Variants in GNA12 observed in about 807,000 individuals in gnomAD.
GNA12 encodes G protein subunit alpha 12.
Under a neutral mutation model 26.0 loss-of-function variants are expected in GNA12, and 9 were observed. That is an observed-to-expected ratio of 0.35 (90% CI 0.21 to 0.60). GNA12 has a LOEUF of 0.60. GNA12 is among the 20% of genes least tolerant of loss of function. The pLI is 0.78. For missense variants in GNA12, 405 were observed against 525.8 expected (o/e 0.77, Z 2.25); for synonymous variants, 264 against 219.6 (o/e 1.20, Z -1.79).
Position 2,729,915 on chromosome 7 carries a change from A to G in GNA12, c.*1266T>C, listed in dbSNP as rs977863037. The G allele has an allele frequency of 6.6e-6, 1 of 152,378 alleles. No homozygotes were observed. Among genetic ancestry groups the G allele is most frequent in the African/African-American group, 2.4e-5 (1 of 41,446 alleles). 9.4% of individuals were successfully genotyped at this position (152,378 alleles called of 1,614,324 possible). On this transcript the variant is annotated 3_prime_UTR_variant, in exon 4 of 4. Transcript: ENST00000275364. ...CTGGGCCCAGGACTGGCCAGCTCGT[A>G]TCAACATTCACAGGCTCCCGCGGGC...
At position 2,729,158 on chromosome 7, in the gene GNA12, C is replaced by T. The variant is rs1190419301; in HGVS notation, c.*2023G>A. ...AACAGCGCCGCGAAGAGGCTCTCCC[C>T]GTTGGCGGAGGACCCGCTTGCACTT... On this transcript the variant is annotated 3_prime_UTR_variant, in exon 4 of 4. Coordinates refer to ENST00000275364, the MANE Select transcript of GNA12 (RefSeq NM_007353.3). 5 of 152,410 alleles carry T rather than the reference C, an allele frequency of 3.3e-5. No homozygotes were observed. The highest frequency in any genetic ancestry group is 9.6e-5 in the African/African-American group (4 of 41,470). 9.4% of individuals were successfully genotyped at this position (152,410 alleles called of 1,614,324 possible).
At chr7:2,800,021 G>C (rs945777060) in intron 1 of GNA12, among the ~76,000 whole-genome samples, 2 of 152,178 alleles carry the variant, frequency 1.3e-5, no homozygotes, top group African/African-American at 4.8e-5. Flanking sequence ...AGCTGTACTT[G>C]GGTATTTATC....
In GNA12 at chr7:2,827,121, G is replaced by A. The variant is rs1012175347; in HGVS notation, c.309+16732C>T. On this transcript the variant is annotated intron_variant, in intron 1 of 3. Transcript: ENST00000275364. ...GTATATTAATTTTAAAAAAGTGAAGGAAGCCAGACACAAAAGGTCACATAT... is the reference window on the plus strand; with the variant it reads ...GTATATTAATTTTAAAAAAGTGAAGAAAGCCAGACACAAAAGGTCACATAT... Among the ~76,000 whole-genome samples, 5 of 152,226 alleles carry A rather than the reference G, an allele frequency of 3.3e-5. No homozygotes were observed. In the East Asian group the frequency reaches 5.8e-4, roughly 18 times the overall value.
chr7:2,751,660 C>T (rs912473951), intron 2 of GNA12, among the ~76,000 whole-genome samples: 1 of 152,150 alleles, frequency 6.6e-6, no homozygotes, highest in African/African-American at 2.4e-5. Context: ...AACAAATCTC[C>T]AGTATCAGGA....
Position 2,746,460 on chromosome 7 carries a change from T to C in GNA12, c.526-12959A>G, listed in dbSNP as rs1421798118. On this transcript the variant is annotated intron_variant, in intron 2 of 3. Transcript: ENST00000275364. ...ATGAAGGCAGAAATAAAGATGTTCT[T>C]TGAAACCAACGAGAACAAAGACACA... is the stretch of plus-strand genomic sequence containing the variant. 2.0e-5 allele frequency among the ~76,000 whole-genome samples: 3 copies of C among 152,278 alleles called. No individual in the cohort carries two copies. The East Asian group carries it at 5.8e-4, about 29-fold the overall frequency.
At chr7:2,794,715 C>G in intron 2 of GNA12, 1 of 582,014 alleles carries the variant, frequency 1.7e-6, no homozygotes, top group East Asian at 2.9e-5. Flanking sequence ...AGCTATTGAT[C>G]TTACCTGAGT....
intron 1 of GNA12, among the ~76,000 whole-genome samples, chr7:2,821,509 G>C (rs545951583): frequency 1.3e-5 from 2 of 152,168 alleles, no homozygotes. Context: ...CTCCCCAATT[G>C]TATCAATGAC....
chr7:2,735,035 T>TC lies in GNA12; in HGVS notation c.526-1535dup, dbSNP rs546950994. ...GCCGCCTTCCCGTGGCTGTGCCAAGTCCCCCCGGTCCTCTGCACATCATGC... is the reference window on the plus strand; with the variant it reads ...GCCGCCTTCCCGTGGCTGTGCCAAGTCCCCCCCGGTCCTCTGCACATCATGC... On this transcript the variant is annotated intron_variant, in intron 2 of 3. Transcript: ENST00000275364. Among the ~76,000 whole-genome samples the TC allele has an allele frequency of 1.3e-3, 197 of 152,110 alleles. 2 individuals are homozygous for TC. Among genetic ancestry groups the TC allele is most frequent in the African/African-American group, 4.4e-3 (183 of 41,480 alleles).
Position 2,762,870 on chromosome 7 carries a change from G to T in GNA12, c.526-29369C>A, listed in dbSNP as rs966864258. On this transcript the variant is annotated intron_variant, in intron 2 of 3. Coordinates refer to ENST00000275364, the MANE Select transcript of GNA12 (RefSeq NM_007353.3). ...CGAAGCAGGAGAGGGCCAGCTCCGA[G>T]CCCTGCTCGTGGAGCCATTGGTGCT... is the stretch of plus-strand genomic sequence containing the variant. 2.8e-6 allele frequency: 4 copies of T among 1,448,970 alleles called. No individual in the cohort carries two copies. In the African/African-American group the frequency reaches 4.3e-5, roughly 16 times the overall value. The allele number at this position is 1,448,970 out of a possible 1,614,324, so 89.8% of individuals were successfully genotyped here. A position where few individuals can be genotyped will look rare whatever the true frequency, so the allele number is the denominator to read the frequency against.
Position 2,728,529 on chromosome 7 carries a change from T to C in GNA12, c.*2652A>G, listed in dbSNP as rs1272981205. Reference sequence around the variant, plus strand: ...AGTAAAACCCTATATGCGTCTTATGTGTACACAGTATAGCTATGAGGAACA... The same window carrying C: ...AGTAAAACCCTATATGCGTCTTATGCGTACACAGTATAGCTATGAGGAACA... On this transcript the variant is annotated 3_prime_UTR_variant, in exon 4 of 4. Coordinates refer to ENST00000275364, the MANE Select transcript of GNA12 (RefSeq NM_007353.3). 2.6e-5 allele frequency: 4 copies of C among 152,512 alleles called. No homozygotes were observed. Among genetic ancestry groups the C allele is most frequent in the Non-Finnish European group, 5.9e-5 (4 of 68,038 alleles). 9.4% of individuals were successfully genotyped at this position (152,512 alleles called of 1,614,324 possible).
chr7:2,817,774 G>A (rs993408178), intron 1 of GNA12, among the ~76,000 whole-genome samples: 2 of 152,186 alleles, frequency 1.3e-5, no homozygotes, highest in African/African-American at 2.4e-5. Context: ...CTGGGGAGGA[G>A]AACGGAACAT....
intron 2 of GNA12, among the ~76,000 whole-genome samples, chr7:2,761,731 G>A (rs994320977): frequency 6.6e-6 from 1 of 152,118 alleles, no homozygotes; most frequent in Non-Finnish European, 1.5e-5. Context: ...ACAATGAAGA[G>A]TTGACAAGAT....
intron 1 of GNA12, among the ~76,000 whole-genome samples, chr7:2,811,597 C>T (rs755200150): frequency 2.0e-5 from 3 of 152,154 alleles, no homozygotes; most frequent in Non-Finnish European, 2.9e-5. Context: ...AATCCATTTA[C>T]CTGAAAGCAC....
At chr7:2,828,025 C>T (rs1258129430) in intron 1 of GNA12, among the ~76,000 whole-genome samples, 2 of 152,114 alleles carry the variant, frequency 1.3e-5, no homozygotes, top group Middle Eastern at 6.3e-3. Flanking sequence ...AAGTTGGTGG[C>T]TCTTTTCCTG....
At chr7:2,814,949 A>C (rs202189675) in intron 1 of GNA12, 254 of 1,571,908 alleles carry the variant, frequency 1.6e-4, no homozygotes, top group Non-Finnish European at 2.0e-4. Flanking sequence ...CCTACAATAC[A>C]GTAGGCGCTC....
At chr7:2,753,465 T>A (rs1033262099) in intron 2 of GNA12, among the ~76,000 whole-genome samples, 7 of 152,216 alleles carry the variant, frequency 4.6e-5, no homozygotes, top group African/African-American at 1.7e-4. Context: ...GTTGGCTTTT[T>A]TCACTCAACA....
intron 2 of GNA12, among the ~76,000 whole-genome samples, chr7:2,749,612 G>C (rs569911579): frequency 6.6e-6 from 1 of 152,078 alleles, no homozygotes; most frequent in Non-Finnish European, 1.5e-5. Flanking sequence ...GTATACATAT[G>C]TAACAAACCT....
chr7:2,818,045 G>A (rs1793255223), intron 1 of GNA12, among the ~76,000 whole-genome samples: 1 of 152,196 alleles, frequency 6.6e-6, no homozygotes, highest in South Asian at 2.1e-4. Flanking sequence ...AAGTGGGACT[G>A]TAGTTCACTA....
In GNA12 at chr7:2,731,771, C is replaced by A; in HGVS notation, c.577-21G>T. ...TAATTCTGTAAAATACAGGATGAGG[C>A]AGAAATTTAGGGGGAGGAAGAAAGA... On this transcript the variant is annotated intron_variant, in intron 3 of 3. Transcript: ENST00000275364. The surrounding 1 kb of genome is among the most constrained non-coding windows in gnomAD (Gnocchi z 6.0). 3 of 1,298,252 alleles carry A rather than the reference C, an allele frequency of 2.3e-6. No homozygotes were observed. The highest frequency in any genetic ancestry group is 1.9e-5 in the South Asian group (1 of 53,622). 80.4% of individuals were successfully genotyped at this position (1,298,252 alleles called of 1,614,324 possible). A position where few individuals can be genotyped will look rare whatever the true frequency, so the allele number is the denominator to read the frequency against.
Sources: allele counts gnomAD v4.1 joint callset (sites outside exome capture counted in the v4.1 genomes callset), GRCh38; gene constraint gnomAD v4.1.1; non-coding constraint Gnocchi (gnomAD v3.1); transcripts MANE v1.5; gene names NCBI Gene and HGNC (gene_info 2026-07-23, HGNC 2026-07-21).